The following TOM1L1 variants were observed in gnomAD, a reference collection of about 807,000 sequenced individuals.
TOM1L1 encodes the protein TOM1-like protein 1.
TOM1L1 carries 64 observed loss-of-function variants against 63.4 expected under a neutral mutation model. The observed-to-expected ratio is 1.01, with a 90% confidence interval of 0.83 to 1.24. The LOEUF (loss-of-function observed/expected upper bound fraction) is 1.24, where lower values mean the gene tolerates loss of function less well. Among genes scored for constraint, TOM1L1 ranks in the 50% most tolerant of loss-of-function variants. The pLI is 0.00. For synonymous variants in TOM1L1, 166 were observed against 194.4 expected, an observed-to-expected ratio of 0.85 and a Z score of 1.22; for missense variants, 536 against 567.0, an observed-to-expected ratio of 0.95 and a Z score of 0.55.
chr17:54,956,825 CAGG>C (rs1235575485), intron 14 of TOM1L1: 1 of 151,258 alleles, frequency 6.6e-6, no homozygotes, highest in African/African-American at 2.5e-5. Context: ...AGGAAAGTGA[CAGG>C]AGGGTTTTAT....
chr17:54,913,775 G>A lies in TOM1L1; in HGVS notation c.400G>A (p.Val134Met), dbSNP rs199899001. 6.2e-7 allele frequency: 1 copy of A among 1,611,032 alleles called. No individual in the cohort carries two copies. Among genetic ancestry groups the A allele is most frequent in the South Asian group, 1.1e-5 (1 of 91,050 alleles). Reference protein sequence around the residue: ...KTWSQGFPGGVDVSEVKEVYL... With the variant: ...KTWSQGFPGGMDVSEVKEVYL... ...TTGGTCACAGGGCTTCCCAGGAGGTGTGGATGTAAGCGAAGTCAAAGAAGT... is the reference window on the plus strand; with the variant it reads ...TTGGTCACAGGGCTTCCCAGGAGGTATGGATGTAAGCGAAGTCAAAGAAGT... Residue 134 changes from valine (V) to methionine (M), a missense_variant, in exon 5 of 16, where the codon GTG becomes ATG. Physicochemically the swap from Val to Met is conservative, Grantham distance 21 (BLOSUM62 1). Coordinates refer to ENST00000575882, the MANE Select transcript of TOM1L1 (RefSeq NM_005486.3).
chr17:54,919,753 A>G (rs1326140014), intron 7 of TOM1L1, among the ~76,000 whole-genome samples: 1 of 152,152 alleles, frequency 6.6e-6, no homozygotes, highest in East Asian at 1.9e-4. Context: ...TTAGTGACAT[A>G]TAAAGATCTG....
chr17:54,913,506 A>G (rs1419978322), intron 4 of TOM1L1, among the ~76,000 whole-genome samples: 1 of 152,088 alleles, frequency 6.6e-6, no homozygotes, highest in Non-Finnish European at 1.5e-5. Context: ...TCTACTAAAA[A>G]ATACAAAAAG....
intron 14 of TOM1L1, chr17:54,953,708 C>T (rs558956867): frequency 3.3e-5 from 5 of 152,372 alleles, no homozygotes; most frequent in Admixed American, 2.0e-4. Flanking sequence ...GTAGGGCTGC[C>T]GCATCTTCTT....
At chr17:54,918,534 C>G (rs1485221791) in intron 7 of TOM1L1, among the ~76,000 whole-genome samples, 1 of 152,108 alleles carries the variant, frequency 6.6e-6, no homozygotes, top group East Asian at 1.9e-4. Context: ...AGTATCATGC[C>G]ATGCCAAAGA....
intron 14 of TOM1L1, chr17:54,951,752 T>G (rs567321424): frequency 6.6e-6 from 1 of 152,238 alleles, no homozygotes; most frequent in Non-Finnish European, 1.5e-5. Flanking sequence ...CCTGAATTTT[T>G]ACGTGCTAGC....
chr17:54,949,388 A>T (rs765908489), intron 12 of TOM1L1, 130 bp from the exon 13 acceptor site: 1 of 647,272 alleles, frequency 1.5e-6, no homozygotes, highest in Non-Finnish European at 2.6e-6. Context: ...TAAAGTAATA[A>T]TTAAAAACAA....
intron 11 of TOM1L1, among the ~76,000 whole-genome samples, 190 bp from the exon 12 acceptor site, chr17:54,947,071 C>T (rs950530875): frequency 2.0e-5 from 3 of 152,184 alleles, no homozygotes; most frequent in African/African-American, 4.8e-5. Context: ...TCAGGGCTCC[C>T]ACCACCCATG....
Position 54,914,645 on chromosome 17 carries a change from C to T in TOM1L1, c.505C>T (p.Gln169Ter). 6.2e-7 allele frequency: 1 copy of T among 1,612,966 alleles called. No homozygotes were observed. Among genetic ancestry groups the T allele is most frequent in the Non-Finnish European group, 8.5e-7 (1 of 1,179,154 alleles). Reference protein sequence around the residue: ...EAETARQETAQISSNPPTSVP... With the variant: ...EAETARQETA ...CCATGTTTCATACTCATAGACTGCT[C>T]AAATCTCATCAAATCCTCCAACATC... Residue 169 changes from glutamine to a stop codon, truncating the protein, a stop_gained, in exon 6 of 16, where the codon CAA becomes TAA. Transcript: ENST00000575882. LOFTEE classifies it high-confidence loss of function.
At chr17:54,906,851 G>T in intron 3 of TOM1L1, 1 of 975,548 alleles carries the variant, frequency 1.0e-6, no homozygotes, top group Non-Finnish European at 1.2e-6. Flanking sequence ...AGTGAGCTGT[G>T]TAGCTTTCTG....
intron 7 of TOM1L1, chr17:54,916,199 G>A (rs907545765): frequency 2.7e-6 from 1 of 364,280 alleles, no homozygotes; most frequent in East Asian, 4.3e-5. Context: ...TATAGGAAGG[G>A]ATGTAGAAAT....
intron 10 of TOM1L1, 118 bp downstream of exon 10, chr17:54,937,344 C>T (rs907658913): frequency 9.6e-6 from 8 of 832,130 alleles, no homozygotes; most frequent in African/African-American, 3.4e-5. Context: ...AATGTCAGAG[C>T]GCTATGTTAG....
chr17:54,926,374 C>CT (rs2048769092), intron 7 of TOM1L1, among the ~76,000 whole-genome samples: 1 of 152,128 alleles, frequency 6.6e-6, no homozygotes, highest in Admixed American at 6.6e-5. Flanking sequence ...TATTTGCTTT[C>CT]TTGGTGTTAT....
chr17:54,949,344 G>A (rs1354515274), intron 12 of TOM1L1, among the ~76,000 whole-genome samples, 174 bp from the exon 13 acceptor site: 1 of 151,658 alleles, frequency 6.6e-6, no homozygotes, highest in East Asian at 1.9e-4. Context: ...CAGAAAAGTA[G>A]TAAATCTCGT....
In TOM1L1 at chr17:54,909,644, C is replaced by T. The variant is rs142870339; in HGVS notation, c.223-3022C>T. Among the ~76,000 whole-genome samples, 35 of 152,290 alleles carry T rather than the reference C, an allele frequency of 2.3e-4. 1 individual carries two copies. The East Asian group carries it at 6.6e-3, about 29-fold the overall frequency. On this transcript the variant is annotated intron_variant, in intron 3 of 15. Coordinates refer to ENST00000575882, the MANE Select transcript of TOM1L1 (RefSeq NM_005486.3). ...TTTGTTATGTTTCATTTGGGCCTTA[C>T]AACAAGTCTCTAGAGGGAGATATTA...
rs1395690773 is a variant in TOM1L1, at chr17:54,961,887, A to G, written c.*654A>G. 3 of 913,816 alleles carry G rather than the reference A, an allele frequency of 3.3e-6. No individual in the cohort carries two copies. The highest frequency in any genetic ancestry group is 3.9e-6 in the Non-Finnish European group (3 of 764,582). The allele number at this position is 913,816 out of a possible 1,614,324, so 56.6% of individuals were successfully genotyped here. ...TTACTGCAACTTAATATTTCTATTT[A>G]GAACACAGAAAATGAAAATATTTAG... On this transcript the variant is annotated 3_prime_UTR_variant, in exon 16 of 16. Transcript: ENST00000575882.
At chr17:54,929,568 A>G (rs1432457935) in intron 7 of TOM1L1, among the ~76,000 whole-genome samples, 2 of 152,218 alleles carry the variant, frequency 1.3e-5, no homozygotes, top group African/African-American at 4.8e-5. Flanking sequence ...AATGTATTTT[A>G]ACTACTTCTG....
intron 7 of TOM1L1, among the ~76,000 whole-genome samples, chr17:54,918,923 A>G (rs1567825567): frequency 6.6e-6 from 1 of 152,240 alleles, no homozygotes. Context: ...TCAGGGTAGT[A>G]TACCTTGAGA....
chr17:54,939,131 T>C (rs961837382), intron 11 of TOM1L1, 111 bp downstream of exon 11: 3 of 689,050 alleles, frequency 4.4e-6, no homozygotes, highest in Non-Finnish European at 6.9e-6. Context: ...CCTAGCACTT[T>C]GGGAGGCCAA....
Sources: gnomAD v4.1 joint callset for allele counts (sites outside exome capture counted in the v4.1 genomes callset) on GRCh38, gnomAD v4.1.1 for gene constraint, MANE v1.5 for transcripts, NCBI Gene and HGNC (gene_info 2026-07-23, HGNC 2026-07-21) for gene names.